Variants in REDIC1 observed in about 807,000 individuals in gnomAD.
REDIC1 encodes the protein regulator of DNA class I crossover intermediates 1.
chr12:39,760,375 C>A, the REDIC1 span: 10 of 753,030 alleles, frequency 1.3e-5, no homozygotes, highest in Non-Finnish European at 2.1e-5. Context: ...ATGAAATGGA[C>A]CAAAAAATTA....
chr12:39,704,227 GAAAAA>G, the REDIC1 span, among the ~76,000 whole-genome samples: 1 of 149,204 alleles, frequency 6.7e-6, no homozygotes, highest in South Asian at 2.2e-4. Flanking sequence ...AAATTTACAA[GAAAAA>G]AAAACAACCC....
chr12:39,720,569 C>T, the REDIC1 span, among the ~76,000 whole-genome samples: 3 of 152,028 alleles, frequency 2.0e-5, no homozygotes, highest in South Asian at 2.1e-4. Flanking sequence ...ATTATTGTTA[C>T]TGCTATTTTA....
At chr12:39,663,740 C>G in the REDIC1 span, among the ~76,000 whole-genome samples, 1 of 151,308 alleles carries the variant, frequency 6.6e-6, no homozygotes, top group African/African-American at 2.4e-5. Flanking sequence ...TATCTTTGCT[C>G]TACCAGTTAG....
At chr12:39,795,771 A>AAATT in the REDIC1 span, among the ~76,000 whole-genome samples, 1 of 152,178 alleles carries the variant, frequency 6.6e-6, no homozygotes, top group African/African-American at 2.4e-5. Context: ...TTCTGATTTT[A>AAATT]AATTATTGGG....
At chr12:39,829,176 A>T in the REDIC1 span, among the ~76,000 whole-genome samples, 3 of 152,026 alleles carry the variant, frequency 2.0e-5, no homozygotes, top group Non-Finnish European at 4.4e-5. Context: ...TATAAATGTT[A>T]GTTCATAAAT....
chr12:39,896,589 TATAC>T, the REDIC1 span, among the ~76,000 whole-genome samples: 1 of 151,208 alleles, frequency 6.6e-6, no homozygotes, highest in Non-Finnish European at 1.5e-5. Context: ...TGTATATATG[TATAC>T]ATATATGTAT....
At chr12:39,815,236 T>C in the REDIC1 span, among the ~76,000 whole-genome samples, 2 of 152,182 alleles carry the variant, frequency 1.3e-5, no homozygotes, top group African/African-American at 4.8e-5. Context: ...GAATCCCATA[T>C]GCCCAAATAT....
the REDIC1 span, among the ~76,000 whole-genome samples, chr12:39,711,502 T>A: frequency 7.0e-6 from 1 of 142,576 alleles, no homozygotes; most frequent in Non-Finnish European, 1.5e-5. Flanking sequence ...TATAAGTATG[T>A]ATATATGTGT....
At chr12:39,728,083 A>G in the REDIC1 span, among the ~76,000 whole-genome samples, 1 of 152,162 alleles carries the variant, frequency 6.6e-6, no homozygotes, top group Non-Finnish European at 1.5e-5. Flanking sequence ...TAAATATACA[A>G]TCATGTCATC....
At chr12:39,698,542 A>T in the REDIC1 span, among the ~76,000 whole-genome samples, 1 of 152,222 alleles carries the variant, frequency 6.6e-6, no homozygotes, top group African/African-American at 2.4e-5. Context: ...TACAGAATAG[A>T]CATTCTTTTC....
the REDIC1 span, among the ~76,000 whole-genome samples, chr12:39,708,903 A>G: frequency 1.3e-5 from 2 of 151,886 alleles, no homozygotes; most frequent in African/African-American, 4.8e-5. Flanking sequence ...CCAAAAGAAA[A>G]GTTTTAATTT....
the REDIC1 span, chr12:39,758,078 TTAAATCA>T: frequency 6.6e-6 from 1 of 151,636 alleles, no homozygotes; most frequent in Non-Finnish European, 1.5e-5. Flanking sequence ...ATTTTCCCTA[TTAAATCA>T]TATCTGCTTT....
chr12:39,670,954 G>A, the REDIC1 span, among the ~76,000 whole-genome samples: 4 of 151,622 alleles, frequency 2.6e-5, no homozygotes, highest in Admixed American at 2.6e-4. Flanking sequence ...TGATTTCTTT[G>A]TATTTTCTAT....
chr12:39,627,492 A>G, the REDIC1 span, among the ~76,000 whole-genome samples: 2 of 152,186 alleles, frequency 1.3e-5, no homozygotes, highest in African/African-American at 4.8e-5. Flanking sequence ...ATATATCACA[A>G]ACTTTTATGG....
chr12:39,789,405 G>C, the REDIC1 span, among the ~76,000 whole-genome samples: 6 of 152,074 alleles, frequency 3.9e-5, no homozygotes, highest in Non-Finnish European at 7.4e-5. Context: ...AGTGCATCAT[G>C]ATATACACTT....
the REDIC1 span, among the ~76,000 whole-genome samples, chr12:39,648,315 A>T: frequency 6.6e-6 from 1 of 152,012 alleles, no homozygotes; most frequent in African/African-American, 2.4e-5. Flanking sequence ...TGTCATGATG[A>T]CCCAATATGC....
the REDIC1 span, among the ~76,000 whole-genome samples, chr12:39,677,826 C>A: frequency 1.3e-5 from 2 of 152,156 alleles, no homozygotes; most frequent in Non-Finnish European, 2.9e-5. Context: ...ATTAAATAAT[C>A]TGCTCCTAAA....
At chr12:39,864,704 A>C in the REDIC1 span, 1 of 1,594,196 alleles carries the variant, frequency 6.3e-7, no homozygotes, top group Non-Finnish European at 8.5e-7. Flanking sequence ...AAAAGTTAAA[A>C]GCAAGCAAAA....
the REDIC1 span, among the ~76,000 whole-genome samples, chr12:39,698,473 A>T: frequency 1.3e-5 from 2 of 152,208 alleles, no homozygotes; most frequent in Non-Finnish European, 1.5e-5. Context: ...ACCAGACTTC[A>T]TCTGTACTAT....
Sources: allele counts gnomAD v4.1 joint callset (sites outside exome capture counted in the v4.1 genomes callset), GRCh38; gene constraint gnomAD v4.1.1; transcripts MANE v1.5; gene names NCBI Gene and HGNC (gene_info 2026-07-23, HGNC 2026-07-21).